The following PPP6C variants were observed in gnomAD, a reference collection of about 807,000 sequenced individuals.
The protein encoded by PPP6C is protein phosphatase 6 catalytic subunit, also known as serine/threonine-protein phosphatase 6 catalytic subunit.
Under a neutral mutation model 39.8 loss-of-function variants are expected in PPP6C, and 11 were observed. That is an observed-to-expected ratio of 0.28 (90% CI 0.17 to 0.46). PPP6C has a LOEUF of 0.46. PPP6C is among the 20% of genes least tolerant of loss of function. The probability of loss-of-function intolerance (pLI) is 1.00; values close to 1 mark genes in which losing one functional copy is unlikely to be tolerated. For missense variants in PPP6C, 211 were observed against 373.9 expected, an observed-to-expected ratio of 0.56 and a Z score of 3.59; for synonymous variants, 129 against 130.3, an observed-to-expected ratio of 0.99 and a Z score of 0.07.
In PPP6C at chr9:125,166,535, C is replaced by CA. The variant is rs1283345767; in HGVS notation, c.171+4549_171+4550insT. On this transcript the variant is annotated intron_variant, in intron 2 of 6. Coordinates refer to ENST00000373547, the MANE Select transcript of PPP6C (RefSeq NM_002721.5). ...GAATTTCACAAGTATTTTTCTTTTT[C>CA]TTTTTTTTTTTTTTTTTAGCAGAGT... 8.7e-4 allele frequency among the ~76,000 whole-genome samples: 117 copies of CA among 134,442 alleles called. 6 individuals are homozygous for CA. The Admixed American group carries it at 8.8e-3, about 10-fold the overall frequency. 88.2% of individuals were successfully genotyped at this position (134,442 alleles called of 152,430 possible). A position where few individuals can be genotyped will look rare whatever the true frequency, so the allele number is the denominator to read the frequency against.
At chr9:125,168,031 G>A (rs536331015) in intron 2 of PPP6C, among the ~76,000 whole-genome samples, 1 of 152,272 alleles carries the variant, frequency 6.6e-6, no homozygotes, top group Non-Finnish European at 1.5e-5. Context: ...GTGCAGGCAT[G>A]TTGGTGAAGA....
intron 6 of PPP6C, chr9:125,150,584 T>C (rs1835910973): frequency 2.7e-6 from 2 of 730,070 alleles, no homozygotes; most frequent in African/African-American, 1.8e-5. Flanking sequence ...TGGGCCGACT[T>C]TGGTTGCAGT....
chr9:125,157,584 G>C (rs1343259165), intron 4 of PPP6C, among the ~76,000 whole-genome samples: 1 of 151,868 alleles, frequency 6.6e-6, no homozygotes, highest in Non-Finnish European at 1.5e-5. Flanking sequence ...GGATGAGAAT[G>C]GACTCTCAAA....
intron 1 of PPP6C, among the ~76,000 whole-genome samples, chr9:125,183,151 G>A (rs1273594767): frequency 6.6e-6 from 1 of 152,064 alleles, no homozygotes; most frequent in East Asian, 1.9e-4. Flanking sequence ...GTTAACAGGT[G>A]CCACTATACC....
At chr9:125,177,693 G>A (rs562943524) in intron 1 of PPP6C, among the ~76,000 whole-genome samples, 1 of 152,178 alleles carries the variant, frequency 6.6e-6, no homozygotes, top group South Asian at 2.1e-4. Context: ...TCATCCAAAG[G>A]CCATAGTTTG....
intron 4 of PPP6C, 31 bp downstream of exon 4, chr9:125,158,210 T>C (rs1836128277): frequency 6.4e-7 from 1 of 1,560,456 alleles, no homozygotes; most frequent in Non-Finnish European, 8.8e-7. Flanking sequence ...AGTAAAATAA[T>C]ATTCAGAATC....
intron 2 of PPP6C, among the ~76,000 whole-genome samples, chr9:125,167,379 CAAAA>C (rs758123351): frequency 1.4e-4 from 8 of 56,084 alleles, no homozygotes; most frequent in Admixed American, 3.7e-4. Context: ...AGACCCTGTC[CAAAA>C]AAAAAAAAAA....
chr9:125,161,000 A>G (rs1444047227), intron 2 of PPP6C, 94 bp from the exon 3 acceptor site: 2 of 745,256 alleles, frequency 2.7e-6, no homozygotes, highest in Non-Finnish European at 4.2e-6. Flanking sequence ...AGCAGCTAAG[A>G]GGACTCCAAA....
chr9:125,151,335 A>G, intron 6 of PPP6C: 1 of 1,417,752 alleles, frequency 7.1e-7, no homozygotes, highest in Non-Finnish European at 1.0e-6. Context: ...CATGCAGCTG[A>G]CAAACTTCTC....
chr9:125,182,851 C>T (rs577389031), intron 1 of PPP6C, among the ~76,000 whole-genome samples: 1 of 151,396 alleles, frequency 6.6e-6, no homozygotes, highest in South Asian at 2.1e-4. Flanking sequence ...GGCAAAATTG[C>T]CCCCAGTTGA....
At chr9:125,186,458 G>A (rs1455259632) in intron 1 of PPP6C, among the ~76,000 whole-genome samples, 1 of 151,960 alleles carries the variant, frequency 6.6e-6, no homozygotes, top group African/African-American at 2.4e-5. Flanking sequence ...TTAAGAAATG[G>A]ATACAGGCCA....
intron 6 of PPP6C, chr9:125,151,009 C>A (rs557603639): frequency 1.5e-6 from 2 of 1,369,474 alleles, no homozygotes; most frequent in Admixed American, 3.4e-5. Context: ...AGGCGCAGAT[C>A]ATATTATCAC....
At chr9:125,166,071 G>A (rs546786744) in intron 2 of PPP6C, among the ~76,000 whole-genome samples, 44 of 152,096 alleles carry the variant, frequency 2.9e-4, no homozygotes, top group African/African-American at 9.6e-4. Flanking sequence ...TGCTGGGATT[G>A]CAGGTGTGAG....
intron 4 of PPP6C, among the ~76,000 whole-genome samples, chr9:125,157,868 T>G (rs1836119332): frequency 6.6e-6 from 1 of 152,042 alleles, no homozygotes; most frequent in African/African-American, 2.4e-5. Flanking sequence ...TTTTTGTATT[T>G]TTAGAAGAGA....
intron 4 of PPP6C, among the ~76,000 whole-genome samples, chr9:125,157,891 A>C (rs554118411): frequency 5.9e-5 from 9 of 151,946 alleles, no homozygotes; most frequent in African/African-American, 2.2e-4. Context: ...GGGTTTCACC[A>C]TATTGGTCAG....
At chr9:125,151,554 A>C (rs1239712358) in intron 6 of PPP6C, 4 of 828,360 alleles carry the variant, frequency 4.8e-6, no homozygotes, top group Non-Finnish European at 4.3e-6. Context: ...CACAATGAAG[A>C]ATCCGTTTCT....
chr9:125,186,830 T>C (rs1045555695), intron 1 of PPP6C, among the ~76,000 whole-genome samples: 2 of 151,704 alleles, frequency 1.3e-5, no homozygotes, highest in African/African-American at 4.9e-5. Flanking sequence ...TGCAGCTATG[T>C]TTCAACAAGA....
rs1829631786 is a variant in PPP6C, at chr9:125,189,790, G to T, written c.-72C>A. On this transcript the variant is annotated 5_prime_UTR_variant, in exon 1 of 7. Coordinates refer to ENST00000373547, the MANE Select transcript of PPP6C (RefSeq NM_002721.5). The stretch of plus-strand genomic sequence containing the variant: ...AGCGGCGGCGGCAGCGGCGGAGGCC[G>T]AAGCCGGAACTTTCCCTGCGTCACG... 6.0e-6 allele frequency: 9 copies of T among 1,509,652 alleles called. No homozygotes were observed. The Admixed American group carries it at 1.8e-4, about 30-fold the overall frequency. The allele number at this position is 1,509,652 out of a possible 1,614,324, so 93.5% of individuals were successfully genotyped here.
At chr9:125,171,337 T>C (rs1033462925) in intron 1 of PPP6C, among the ~76,000 whole-genome samples, 157 bp from the exon 2 acceptor site, 2 of 151,648 alleles carry the variant, frequency 1.3e-5, no homozygotes, top group Non-Finnish European at 1.5e-5. Context: ...TGGATTTCTG[T>C]CAGCTGTCAC....
Sources: gnomAD v4.1 joint callset for allele counts (sites outside exome capture counted in the v4.1 genomes callset) on GRCh38, gnomAD v4.1.1 for gene constraint, MANE v1.5 for transcripts, NCBI Gene and HGNC (gene_info 2026-07-23, HGNC 2026-07-21) for gene names.